The following SI variants were observed in gnomAD, a reference collection of about 807,000 sequenced individuals.
SI encodes the protein sucrase-isomaltase, intestinal.
SI carries 235 observed loss-of-function variants against 253.3 expected under a neutral mutation model. That is an observed-to-expected ratio of 0.93 (90% confidence interval 0.83 to 1.03). The LOEUF (loss-of-function observed/expected upper bound fraction) is 1.03. Ranked by LOEUF, SI falls within the 50% of genes least tolerant of loss-of-function variation. The pLI is 0.00. For missense variants in SI, 2,442 were observed against 2,211.1 expected (o/e 1.10, Z -2.09); for synonymous variants, 819 against 712.0 (o/e 1.15, Z -2.39).
At chr3:164,992,940 T>G (rs1178848350) in intron 41 of SI, among the ~76,000 whole-genome samples, 1 of 151,654 alleles carries the variant, frequency 6.6e-6, no homozygotes, top group Non-Finnish European at 1.5e-5. Context: ...TTTTTGTTTG[T>G]TTTGTTTTGT....
At chr3:165,078,156 G>C (rs1715124511) in intron 1 of SI, among the ~76,000 whole-genome samples, 1 of 150,634 alleles carries the variant, frequency 6.6e-6, no homozygotes. Context: ...CTTTCATATA[G>C]AGTCATTAAA....
intron 36 of SI, 34 bp downstream of exon 36, chr3:165,007,877 T>G (rs906022023): frequency 3.6e-5 from 37 of 1,018,002 alleles, no homozygotes; most frequent in Middle Eastern, 2.1e-4. Flanking sequence ...AATAATAACA[T>G]GATAATATCA....
At position 165,060,795 on chromosome 3, in the gene SI, G is replaced by A. The variant is rs995858197; in HGVS notation, c.1021-768C>T. On this transcript the variant is annotated intron_variant, in intron 9 of 47. Coordinates refer to ENST00000264382, the MANE Select transcript of SI (RefSeq NM_001041.4). The stretch of plus-strand genomic sequence containing the variant: ...TACTCAACATAATAAATTTTCTTTG[G>A]TTTAGGCTTTTATATACATATCATA... 3.1e-4 allele frequency among the ~76,000 whole-genome samples: 45 copies of A among 144,950 alleles called. 1 individual carries two copies. Among genetic ancestry groups the A allele is most frequent in the Admixed American group, 2.1e-4 (3 of 14,362 alleles).
chr3:165,026,528 T>C (rs1047531316), intron 25 of SI, among the ~76,000 whole-genome samples: 13 of 151,336 alleles, frequency 8.6e-5, no homozygotes, highest in African/African-American at 2.9e-4. Context: ...CCACAGAAGA[T>C]ACATTCTATT....
At chr3:165,046,213 C>T (rs902257211) in intron 16 of SI, among the ~76,000 whole-genome samples, 11 of 151,944 alleles carry the variant, frequency 7.2e-5, no homozygotes, top group Admixed American at 2.6e-4. Context: ...TTTATTTGTG[C>T]ATATGAAAGA....
the SI span, among the ~76,000 whole-genome samples, chr3:165,086,090 C>A: frequency 6.6e-6 from 1 of 151,964 alleles, no homozygotes; most frequent in African/African-American, 2.4e-5. Flanking sequence ...CATGTCTCTA[C>A]TAAAAGTACA....
chr3:165,017,128 T>C (rs890371275), intron 31 of SI, among the ~76,000 whole-genome samples: 3 of 151,910 alleles, frequency 2.0e-5, no homozygotes, highest in Non-Finnish European at 2.9e-5. Flanking sequence ...ATTACAACTA[T>C]TATCTATTCC....
intron 6 of SI, among the ~76,000 whole-genome samples, chr3:165,066,409 AC>A (rs1338334980): frequency 2.0e-5 from 3 of 151,944 alleles, no homozygotes; most frequent in Non-Finnish European, 4.4e-5. Flanking sequence ...AAACTAATTA[AC>A]ATATCCACCA....
intron 34 of SI, among the ~76,000 whole-genome samples, chr3:165,011,058 AG>A (rs2108162777): frequency 6.6e-6 from 1 of 152,280 alleles, no homozygotes; most frequent in Admixed American, 6.5e-5. Context: ...TCTGGCTAAA[AG>A]AAGGATCACC....
Position 165,063,499 on chromosome 3 carries a change from T to C in SI, c.850A>G (p.Ile284Val). Residue 284 changes from isoleucine (I) to valine (V), a missense_variant, in exon 8 of 48, where the codon ATT becomes GTT. By Grantham distance (29) the Ile-to-Val change is conservative. Coordinates refer to ENST00000264382, the MANE Select transcript of SI (RefSeq NM_001041.4). ...LYGHQTFFMC[I>V]EDTSGKSFGV... ...AATGACTTTCCAGATGTATCTTCAA[T>C]ACACATAAAGAATGTTTGATGGCCG... 4 of 1,566,658 alleles carry C rather than the reference T, an allele frequency of 2.6e-6. No homozygotes were observed. The highest frequency in any genetic ancestry group is 3.5e-6 in the Non-Finnish European group (4 of 1,141,074).
chr3:165,011,779 T>C (rs1718783160), intron 34 of SI, among the ~76,000 whole-genome samples: 1 of 148,836 alleles, frequency 6.7e-6, no homozygotes. Flanking sequence ...TATTATTTAT[T>C]ATTATTATTT....
intron 34 of SI, 23 bp from the exon 35 acceptor site, chr3:165,009,418 C>T (rs1221356128): frequency 1.5e-6 from 2 of 1,322,402 alleles, no homozygotes; most frequent in East Asian, 2.3e-5. Context: ...AATTTAGGCT[C>T]ACATGTGGAA....
At chr3:165,033,551 T>C in intron 22 of SI, 107 bp from the exon 23 acceptor site, 1 of 1,081,524 alleles carries the variant, frequency 9.2e-7, no homozygotes, top group Non-Finnish European at 1.2e-6. Context: ...AGATGCTGTT[T>C]ATTAATGAAG....
upstream of SI, among the ~76,000 whole-genome samples, chr3:165,079,236 C>T (rs73163484): frequency 0.036 from 5,455 of 151,414 alleles, 148 homozygotes; most frequent in Middle Eastern, 0.099. Flanking sequence ...CTATGCTTAC[C>T]TGAGAAATTG....
In SI at chr3:165,063,461, T is replaced by TA. The variant is rs769103567; in HGVS notation, c.887dup (p.Leu296PhefsTer4). On this transcript the variant is annotated frameshift_variant, in exon 8 of 48. Transcript: ENST00000264382. LOFTEE classifies it high-confidence loss of function. ...TCTTACCCATTGCATTGCTATTCAT[T>TA]AAAAAAACACCGAATGACTTTCCAG... is the stretch of plus-strand genomic sequence containing the variant. 2.6e-5 allele frequency: 39 copies of TA among 1,520,762 alleles called. No homozygotes were observed. Among genetic ancestry groups the TA allele is most frequent in the Non-Finnish European group, 1.5e-5 (17 of 1,097,544 alleles). 94.2% of individuals were successfully genotyped at this position (1,520,762 alleles called of 1,614,324 possible). A position where few individuals can be genotyped will look rare whatever the true frequency, so the allele number is the denominator to read the frequency against.
chr3:164,981,428 T>C lies in SI; in HGVS notation c.5415+815A>G, dbSNP rs184209740. Among the ~76,000 whole-genome samples the C allele has an allele frequency of 2.8e-4, 42 of 152,170 alleles. No individual in the cohort carries two copies. In the East Asian group the frequency reaches 7.8e-3, roughly 28 times the overall value. Reference sequence around the variant, plus strand: ...CCAAATGCATATATATATATTTTTTTAGGTTCAAGTTAGTCGAACATCTGA... The same window carrying C: ...CCAAATGCATATATATATATTTTTTCAGGTTCAAGTTAGTCGAACATCTGA... On this transcript the variant is annotated intron_variant, in intron 47 of 47. Coordinates refer to ENST00000264382, the MANE Select transcript of SI (RefSeq NM_001041.4).
chr3:165,010,594 TAA>T (rs1328829910), intron 34 of SI, among the ~76,000 whole-genome samples: 4 of 152,242 alleles, frequency 2.6e-5, no homozygotes, highest in African/African-American at 9.6e-5. Context: ...TCCCGTATGA[TAA>T]TTAATAACAA....
rs1474224236 is a variant in SI at position 165,030,809 on chromosome 3, T to C, written c.2795A>G (p.Asn932Ser). 6 of 1,606,960 alleles carry C rather than the reference T, an allele frequency of 3.7e-6. No homozygotes were observed. The highest frequency in any genetic ancestry group is 2.7e-5 in the African/African-American group (2 of 74,208). The change falls in exon 25 of 48, where the codon AAT (asparagine) becomes AGT (serine). Residue 932 changes from asparagine (N) to serine (S), a missense_variant. Coordinates refer to ENST00000264382, the MANE Select transcript of SI (RefSeq NM_001041.4). ...NLGRNFSVQW[N>S]QIFSENERFN... Reference sequence around the variant, plus strand: ...TCTTTCATTTTCTGAGAAAATTTGATTCCATTGAACACTAAAGTTTCTTCC... The same window carrying C: ...TCTTTCATTTTCTGAGAAAATTTGACTCCATTGAACACTAAAGTTTCTTCC...
chr3:164,979,512 T>C (rs1315354988), intron 47 of SI, 82 bp from the exon 48 acceptor site: 1 of 791,704 alleles, frequency 1.3e-6, no homozygotes, highest in Non-Finnish European at 2.2e-6. Flanking sequence ...AAAAAAGTTT[T>C]CTAATAAATA....
Sources: gnomAD v4.1 joint callset for allele counts (sites outside exome capture counted in the v4.1 genomes callset) on GRCh38, gnomAD v4.1.1 for gene constraint, MANE v1.5 for transcripts, NCBI Gene and HGNC (gene_info 2026-07-23, HGNC 2026-07-21) for gene names.